The following PDE7B variants were observed in gnomAD, a reference collection of about 807,000 sequenced individuals.
The protein encoded by PDE7B is 3',5'-cyclic-AMP phosphodiesterase 7B.
A neutral mutation model predicts 56.2 loss-of-function variants in PDE7B; 29 were observed. That is an observed-to-expected ratio of 0.52 (90% CI 0.38 to 0.70). The LOEUF (loss-of-function observed/expected upper bound fraction) is 0.70, where lower values mean the gene tolerates loss of function less well. PDE7B is among the 30% of genes least tolerant of loss of function. The pLI, the probability that PDE7B is intolerant of heterozygous loss-of-function variation, is 0.00. For synonymous variants in PDE7B, 197 were observed against 196.9 expected (o/e 1.00, Z 0.00); for missense variants, 490 against 565.0 (o/e 0.87, Z 1.35).
intron 9 of PDE7B, among the ~76,000 whole-genome samples, chr6:136,178,001 T>G (rs1779006748): frequency 6.6e-6 from 1 of 152,196 alleles, no homozygotes; most frequent in South Asian, 2.1e-4. Context: ...AAACATAATG[T>G]TTAGCTAAAG....
At chr6:135,862,666 T>A (rs1346403784) in intron 1 of PDE7B, among the ~76,000 whole-genome samples, 6 of 151,906 alleles carry the variant, frequency 3.9e-5, no homozygotes, top group Admixed American at 2.6e-4. Flanking sequence ...TGGACAAGTT[T>A]TTAGTTACAG....
chr6:136,096,184 G>C (rs1175612573), intron 2 of PDE7B: 2 of 152,276 alleles, frequency 1.3e-5, no homozygotes, highest in African/African-American at 2.4e-5. Flanking sequence ...CTGGTCAGCA[G>C]ACTTGGTGTG....
chr6:136,146,114 T>C (rs998626918), intron 3 of PDE7B, among the ~76,000 whole-genome samples: 12 of 152,278 alleles, frequency 7.9e-5, no homozygotes, highest in East Asian at 1.9e-4. Context: ...GGAGCACCCA[T>C]TGTTTCCTCT....
At chr6:136,090,969 CT>C (rs768770106) in intron 2 of PDE7B, among the ~76,000 whole-genome samples, 2 of 152,216 alleles carry the variant, frequency 1.3e-5, no homozygotes, top group Non-Finnish European at 2.9e-5. Context: ...ATCCATTCCC[CT>C]AGCCAAAGTG....
At chr6:135,858,016 A>G (rs1026192830) in intron 1 of PDE7B, among the ~76,000 whole-genome samples, 1 of 152,156 alleles carries the variant, frequency 6.6e-6, no homozygotes, top group Admixed American at 6.5e-5. Flanking sequence ...CCATAAATGC[A>G]TTATATTTAT....
At chr6:135,861,038 T>C (rs541468339) in intron 1 of PDE7B, among the ~76,000 whole-genome samples, 3 of 152,096 alleles carry the variant, frequency 2.0e-5, no homozygotes, top group South Asian at 2.1e-4. Context: ...GAAGACTAGA[T>C]AGGTTGTTGC....
chr6:135,937,203 C>T (rs1223305061), intron 1 of PDE7B, among the ~76,000 whole-genome samples: 2 of 152,238 alleles, frequency 1.3e-5, no homozygotes, highest in Non-Finnish European at 2.9e-5. Flanking sequence ...GTGTGGTACT[C>T]ATGTTACAGA....
Position 136,005,903 on chromosome 6 carries a change from C to T in PDE7B, c.82+58379C>T, listed in dbSNP as rs1463568952. ...TCATACTGCTATAAAGACACATGCA[C>T]GTGTATGTTTATTGCGGCACTATTC... On this transcript the variant is annotated intron_variant, in intron 2 of 12. Transcript: ENST00000308191. Among the ~76,000 whole-genome samples, 12 of 151,968 alleles carry T rather than the reference C, an allele frequency of 7.9e-5. 1 individual carries two copies. Among genetic ancestry groups the T allele is most frequent in the African/African-American group, 1.9e-4 (8 of 41,346 alleles).
chr6:136,104,193 G>GC (rs5880280), intron 2 of PDE7B, among the ~76,000 whole-genome samples: 17,699 of 152,090 alleles, frequency 0.12, 3,274 homozygotes, highest in African/African-American at 0.4. Context: ...AAAAGCAGCA[G>GC]CCTTTCAAAA....
intron 2 of PDE7B, among the ~76,000 whole-genome samples, chr6:136,063,281 C>A (rs767649198): frequency 6.6e-6 from 1 of 152,156 alleles, no homozygotes; most frequent in South Asian, 2.1e-4. Context: ...TAACCAGACC[C>A]ATGGAGACTC....
intron 2 of PDE7B, chr6:136,047,529 T>A (rs1159641119): frequency 6.6e-6 from 1 of 151,968 alleles, no homozygotes; most frequent in Non-Finnish European, 1.5e-5. Context: ...AAAATTGGAC[T>A]AAAACAAATT....
chr6:135,989,866 A>G (rs1292089679), intron 2 of PDE7B, among the ~76,000 whole-genome samples: 1 of 152,096 alleles, frequency 6.6e-6, no homozygotes, highest in East Asian at 1.9e-4. Context: ...CAGATGTTTA[A>G]GAATATATGA....
chr6:136,169,895 G>A (rs1778852502), intron 8 of PDE7B, among the ~76,000 whole-genome samples: 1 of 152,130 alleles, frequency 6.6e-6, no homozygotes, highest in South Asian at 2.1e-4. Context: ...TGGTCAAGTG[G>A]TAAATAAAGA....
chr6:135,973,745 T>G (rs981516229), intron 2 of PDE7B, among the ~76,000 whole-genome samples: 2 of 152,206 alleles, frequency 1.3e-5, no homozygotes, highest in Admixed American at 1.3e-4. Flanking sequence ...TAAACAAAAT[T>G]TATTTGTTGG....
At chr6:136,164,990 A>G (rs1310151801) in intron 8 of PDE7B, among the ~76,000 whole-genome samples, 1 of 152,238 alleles carries the variant, frequency 6.6e-6, no homozygotes, top group Admixed American at 6.5e-5. Flanking sequence ...TACACTGGAC[A>G]TTACATCTTT....
chr6:136,138,401 T>A (rs1373360498), intron 3 of PDE7B, among the ~76,000 whole-genome samples: 1 of 152,086 alleles, frequency 6.6e-6, no homozygotes, highest in African/African-American at 2.4e-5. Flanking sequence ...TTATATGAAT[T>A]TTTTTCCTCC....
chr6:136,104,508 CTGT>C (rs1433247569), intron 2 of PDE7B, among the ~76,000 whole-genome samples: 3 of 152,172 alleles, frequency 2.0e-5, no homozygotes, highest in African/African-American at 7.2e-5. Context: ...CCTCTGAGGA[CTGT>C]TGTTACTGAA....
chr6:135,948,880 T>C (rs745698216), intron 2 of PDE7B, among the ~76,000 whole-genome samples: 1 of 146,320 alleles, frequency 6.8e-6, no homozygotes, highest in Admixed American at 6.8e-5. Flanking sequence ...GATAGATAGA[T>C]AGATAGATAG....
intron 2 of PDE7B, among the ~76,000 whole-genome samples, chr6:136,078,892 C>T (rs1777162966): frequency 6.6e-6 from 1 of 151,918 alleles, no homozygotes. Flanking sequence ...AAAAAGTAGC[C>T]CAAATTCTGT....
Sources: gnomAD v4.1 joint callset for allele counts (sites outside exome capture counted in the v4.1 genomes callset) on GRCh38, gnomAD v4.1.1 for gene constraint, MANE v1.5 for transcripts, NCBI Gene and HGNC (gene_info 2026-07-23, HGNC 2026-07-21) for gene names.